The following THADA variants were observed in gnomAD, a reference collection of about 807,000 sequenced individuals.
THADA encodes the protein THADA armadillo repeat containing, also known as tRNA (32-2'-O)-methyltransferase regulator THADA.
Under a neutral mutation model 219.8 loss-of-function variants are expected in THADA, and 213 were observed. The observed-to-expected ratio is 0.97, with a 90% confidence interval of 0.87 to 1.09. The LOEUF (loss-of-function observed/expected upper bound fraction) is 1.09. Among genes scored for constraint, THADA ranks in the 50% least tolerant of loss-of-function variants. The probability of loss-of-function intolerance (pLI) is 0.00; values close to 1 mark genes in which losing one functional copy is unlikely to be tolerated. For synonymous variants in THADA, 1,018 were observed against 828.9 expected (o/e 1.23, Z -3.92); for missense variants, 2,956 against 2,311.3 (o/e 1.28, Z -5.72).
chr2:43,284,757 G>T (rs1410757379), intron 35 of THADA, among the ~76,000 whole-genome samples: 1 of 152,184 alleles, frequency 6.6e-6, no homozygotes. Flanking sequence ...GCCTGGAAAA[G>T]CCGCAGGCAC....
At chr2:43,309,304 T>C (rs1366397548) in intron 31 of THADA, among the ~76,000 whole-genome samples, 3 of 152,200 alleles carry the variant, frequency 2.0e-5, no homozygotes, top group South Asian at 4.1e-4. Flanking sequence ...CATTAAACAA[T>C]CCTTATCATA....
chr2:43,233,180 G>A, intron 36 of THADA: 1 of 325,478 alleles, frequency 3.1e-6, no homozygotes. Context: ...CTCCTCCAGT[G>A]TCACCAGAAG....
intron 29 of THADA, among the ~76,000 whole-genome samples, chr2:43,348,951 G>A (rs1447728481): frequency 6.6e-6 from 1 of 152,204 alleles, no homozygotes. Context: ...CCTTGGAGAA[G>A]GGTTAGAGGT....
Position 43,331,918 on chromosome 2 carries a change from T to TACAC in THADA, c.4344-11382_4344-11379dup, listed in dbSNP as rs141276481. Among the ~76,000 whole-genome samples, 543 of 142,832 alleles carry TACAC rather than the reference T, an allele frequency of 3.8e-3. 10 individuals are homozygous for TACAC. Among genetic ancestry groups the TACAC allele is most frequent in the East Asian group, 0.03 (148 of 4,982 alleles). 93.7% of individuals were successfully genotyped at this position (142,832 alleles called of 152,430 possible). A position where few individuals can be genotyped will look rare whatever the true frequency, so the allele number is the denominator to read the frequency against. On this transcript the variant is annotated intron_variant, in intron 30 of 37. Transcript: ENST00000405975. ...CAAAGACTCCATTATATATATCTAA[T>TACAC]ACACACACACACACACACACACACA...
Position 43,292,167 on chromosome 2 carries a change from T to C in THADA, c.4874A>G (p.His1625Arg). 3.1e-6 allele frequency: 5 copies of C among 1,612,456 alleles called. No homozygotes were observed. The highest frequency in any genetic ancestry group is 4.2e-6 in the Non-Finnish European group (5 of 1,179,344). Residue 1625 changes from histidine (H) to arginine (R), a missense_variant, in exon 33 of 38, where the codon CAC becomes CGC. Coordinates refer to ENST00000405975, the MANE Select transcript of THADA (RefSeq NM_022065.5). ...DPGEWLPQTEHCVHLTPKEFL... is the reference protein window; with the variant it reads ...DPGEWLPQTERCVHLTPKEFL... ...CTCCTTTGGGGTCAGATGGACACAG[T>C]GCTCCGTCTGGGGAAGCCACTCACC...
rs181088941 is a variant in THADA, at chr2:43,474,317, C to T, written c.3836+10917G>A. On this transcript the variant is annotated intron_variant, in intron 26 of 37. Coordinates refer to ENST00000405975, the MANE Select transcript of THADA (RefSeq NM_022065.5). ...AAGAGCTCTGTTCCAGGTACAATTACACAGTGAAGCTGAAGTGAGGAAATG... is the reference window on the plus strand; with the variant it reads ...AAGAGCTCTGTTCCAGGTACAATTATACAGTGAAGCTGAAGTGAGGAAATG... 2.6e-5 allele frequency among the ~76,000 whole-genome samples: 4 copies of T among 152,286 alleles called. No individual in the cohort carries two copies. The East Asian group carries it at 7.7e-4, about 29-fold the overall frequency.
chr2:43,420,182 C>G (rs2104787321), intron 28 of THADA, among the ~76,000 whole-genome samples: 1 of 152,320 alleles, frequency 6.6e-6, no homozygotes, highest in Admixed American at 6.5e-5. Context: ...TTGGGAAAGC[C>G]TCCCGGACTT....
At chr2:43,520,273 T>C (rs1451747910) in intron 22 of THADA, among the ~76,000 whole-genome samples, 1 of 152,218 alleles carries the variant, frequency 6.6e-6, no homozygotes, top group Non-Finnish European at 1.5e-5. Flanking sequence ...TTTGGCTATC[T>C]TGTCGAATTA....
chr2:43,280,386 C>A (rs890314616), intron 35 of THADA, among the ~76,000 whole-genome samples: 2 of 152,148 alleles, frequency 1.3e-5, no homozygotes, highest in Non-Finnish European at 2.9e-5. Flanking sequence ...GTAATCCCAG[C>A]ACTTTGGGAG....
At chr2:43,501,857 T>C (rs1221656514) in intron 24 of THADA, among the ~76,000 whole-genome samples, 1 of 152,114 alleles carries the variant, frequency 6.6e-6, no homozygotes, top group East Asian at 1.9e-4. Context: ...GGTGGGAGAA[T>C]AGCTTGAACC....
At chr2:43,247,723 G>A (rs1346573649) in intron 36 of THADA, among the ~76,000 whole-genome samples, 1 of 79,166 alleles carries the variant, frequency 1.3e-5, no homozygotes, top group African/African-American at 5.8e-5. Context: ...GCAAGACTCC[G>A]TCTCAAAAAA....
At chr2:43,516,021 A>C (rs1005796160) in intron 22 of THADA, among the ~76,000 whole-genome samples, 9 of 152,172 alleles carry the variant, frequency 5.9e-5, no homozygotes, top group African/African-American at 2.2e-4. Flanking sequence ...AAAACTTTGT[A>C]GTTATGCTCT....
At chr2:43,564,086 G>T (rs1208138988) in intron 15 of THADA, 1 of 152,184 alleles carries the variant, frequency 6.6e-6, no homozygotes, top group Non-Finnish European at 1.5e-5. Context: ...CACACACTTA[G>T]ATGCAGCTAC....
chr2:43,372,713 A>G (rs1670946489), intron 29 of THADA, among the ~76,000 whole-genome samples: 1 of 152,188 alleles, frequency 6.6e-6, no homozygotes, highest in African/African-American at 2.4e-5. Flanking sequence ...AAGTGGCTCG[A>G]CTTCCATTGT....
intron 30 of THADA, among the ~76,000 whole-genome samples, chr2:43,333,525 G>GA (rs1033197266): frequency 6.8e-6 from 1 of 147,422 alleles, no homozygotes. Flanking sequence ...TTTTTTGAAA[G>GA]AAAAAAAGAA....
intron 29 of THADA, among the ~76,000 whole-genome samples, chr2:43,382,754 T>C (rs950444615): frequency 4.6e-5 from 7 of 152,312 alleles, no homozygotes; most frequent in South Asian, 4.1e-4. Flanking sequence ...AATTCACATA[T>C]AGGAGCTTTT....
chr2:43,555,220 T>G (rs1412435180), intron 17 of THADA, among the ~76,000 whole-genome samples: 1 of 151,510 alleles, frequency 6.6e-6, no homozygotes, highest in African/African-American at 2.4e-5. Context: ...TAATAATATA[T>G]ACACCAGAGG....
chr2:43,253,341 TAAG>T (rs1417191057), intron 36 of THADA, among the ~76,000 whole-genome samples: 3 of 151,964 alleles, frequency 2.0e-5, no homozygotes, highest in African/African-American at 4.8e-5. Context: ...TTGGGGAGGA[TAAG>T]AAGACAGGTG....
chr2:43,569,509 G>C (rs191809538), intron 14 of THADA, among the ~76,000 whole-genome samples: 22 of 152,268 alleles, frequency 1.4e-4, no homozygotes, highest in South Asian at 6.2e-4. Flanking sequence ...AGTTCAGGTT[G>C]TGACGTCCCA....
Sources: gnomAD v4.1 joint callset for allele counts (sites outside exome capture counted in the v4.1 genomes callset) on GRCh38, gnomAD v4.1.1 for gene constraint, MANE v1.5 for transcripts, NCBI Gene and HGNC (gene_info 2026-07-23, HGNC 2026-07-21) for gene names.